CRPPA: variants seen among roughly 807,000 people sequenced by gnomAD.
The protein encoded by CRPPA is CDP-L-ribitol pyrophosphorylase A, also known as D-ribitol-5-phosphate cytidylyltransferase.
In CRPPA, 43 loss-of-function variants were observed where a neutral mutation model predicts 52.0. The observed-to-expected ratio is 0.83, with a 90% confidence interval of 0.65 to 1.07. CRPPA has a LOEUF of 1.07. Among genes scored for constraint, CRPPA ranks in the 50% least tolerant of loss-of-function variants. The pLI, the probability that CRPPA is intolerant of heterozygous loss-of-function variation, is 0.00. For synonymous variants in CRPPA, 250 were observed against 203.5 expected (o/e 1.23, Z -1.94); for missense variants, 629 against 551.7 (o/e 1.14, Z -1.40).
chr7:16,376,044 G>C (rs947422856), intron 3 of CRPPA, 48 bp downstream of exon 3: 2 of 1,527,964 alleles, frequency 1.3e-6, no homozygotes, highest in Middle Eastern at 3.5e-4. Flanking sequence ...GAGGTTGTTT[G>C]GGGAACCTGA....
chr7:16,399,917 A>G (rs1366248967), intron 2 of CRPPA, among the ~76,000 whole-genome samples: 1 of 152,030 alleles, frequency 6.6e-6, no homozygotes, highest in Admixed American at 6.5e-5. Flanking sequence ...CACGTGTGTG[A>G]CAGGCGTGTT....
intron 8 of CRPPA, 121 bp from the exon 9 acceptor site, chr7:16,216,318 T>A (rs1782308445): frequency 1.7e-6 from 1 of 604,278 alleles, no homozygotes; most frequent in Admixed American, 3.5e-5. Flanking sequence ...TTTATTAACT[T>A]TTGTTAATCT....
intron 9 of CRPPA, among the ~76,000 whole-genome samples, chr7:16,142,710 C>A (rs6956850): frequency 0.14 from 21,577 of 151,972 alleles, 1,754 homozygotes; most frequent in Non-Finnish European, 0.18. Context: ...AATAATTCTC[C>A]CCATGAGAAT....
At chr7:16,349,907 A>G (rs4559135) in intron 3 of CRPPA, among the ~76,000 whole-genome samples, 78,090 of 151,840 alleles carry the variant, frequency 0.51, 20,352 homozygotes, top group South Asian at 0.67. Context: ...TAGGAAATCC[A>G]AGAGACACTA....
At chr7:16,293,942 T>G (rs967829933) in intron 5 of CRPPA, among the ~76,000 whole-genome samples, 1 of 151,968 alleles carries the variant, frequency 6.6e-6, no homozygotes, top group African/African-American at 2.4e-5. Context: ...AACTAAATGA[T>G]AGCTTTCTTT....
At chr7:16,192,166 C>A (rs1374322526) in intron 9 of CRPPA, among the ~76,000 whole-genome samples, 1 of 151,994 alleles carries the variant, frequency 6.6e-6, no homozygotes, top group Non-Finnish European at 1.5e-5. Context: ...TGTAACTTTT[C>A]CACATGGGAT....
At chr7:16,220,926 C>T (rs1365658048) in intron 8 of CRPPA, among the ~76,000 whole-genome samples, 1 of 152,112 alleles carries the variant, frequency 6.6e-6, no homozygotes, top group Non-Finnish European at 1.5e-5. Context: ...ACTTTCTTCA[C>T]AGAATTGGAA....
At chr7:16,254,805 G>GAAAGAAAGAAAA (rs1783579221) in intron 8 of CRPPA, among the ~76,000 whole-genome samples, 1 of 133,736 alleles carries the variant, frequency 7.5e-6, no homozygotes, top group African/African-American at 2.7e-5. Context: ...AAGAAAGAAA[G>GAAAGAAAGAAAA]AAAGAAAGAA....
chr7:16,110,240 T>C (rs1421192992), intron 9 of CRPPA, among the ~76,000 whole-genome samples: 1 of 151,954 alleles, frequency 6.6e-6, no homozygotes. Flanking sequence ...ACCTATATAG[T>C]GAAAACTGTA....
intron 8 of CRPPA, among the ~76,000 whole-genome samples, chr7:16,218,090 C>A (rs1782381661): frequency 6.6e-6 from 1 of 152,160 alleles, no homozygotes; most frequent in African/African-American, 2.4e-5. Flanking sequence ...AACAGCAGAT[C>A]TCTCCGCAGA....
At chr7:16,256,374 A>T (rs1454606897) in intron 8 of CRPPA, among the ~76,000 whole-genome samples, 1 of 152,184 alleles carries the variant, frequency 6.6e-6, no homozygotes, top group Non-Finnish European at 1.5e-5. Context: ...AAGAATCTAG[A>T]ACCAGAAATA....
chr7:16,280,981 C>G (rs1371611799), intron 5 of CRPPA, among the ~76,000 whole-genome samples: 3 of 152,130 alleles, frequency 2.0e-5, no homozygotes. Flanking sequence ...GATCACGCCA[C>G]TACACTCCAG....
chr7:16,179,703 C>T (rs959385528), intron 9 of CRPPA, among the ~76,000 whole-genome samples: 1 of 152,044 alleles, frequency 6.6e-6, no homozygotes, highest in Non-Finnish European at 1.5e-5. Flanking sequence ...AATAATAAAT[C>T]TGTTGTTTGA....
intron 9 of CRPPA, among the ~76,000 whole-genome samples, chr7:16,125,734 A>G (rs1782566171): frequency 6.6e-6 from 1 of 152,156 alleles, no homozygotes; most frequent in Admixed American, 6.5e-5. Context: ...AATTTATCAA[A>G]AGGCCAGTAT....
chr7:16,215,538 T>C (rs1782281213), intron 9 of CRPPA, among the ~76,000 whole-genome samples: 1 of 152,210 alleles, frequency 6.6e-6, no homozygotes, highest in African/African-American at 2.4e-5. Flanking sequence ...CCATGCCCTC[T>C]TATAATCTGA....
chr7:16,203,727 G>T (rs1029477220), intron 9 of CRPPA, among the ~76,000 whole-genome samples: 4 of 152,126 alleles, frequency 2.6e-5, no homozygotes, highest in African/African-American at 9.7e-5. Context: ...ACCACTCTGT[G>T]TTGTGTTTCT....
chr7:16,254,591 G>A (rs1198965140), intron 8 of CRPPA, among the ~76,000 whole-genome samples: 2 of 151,850 alleles, frequency 1.3e-5, no homozygotes, highest in African/African-American at 4.8e-5. Context: ...CCTGTAGTGG[G>A]GTGAGGGGAG....
intron 2 of CRPPA, among the ~76,000 whole-genome samples, chr7:16,384,476 T>C (rs557946721): frequency 2.6e-5 from 4 of 152,302 alleles, no homozygotes; most frequent in Non-Finnish European, 5.9e-5. Context: ...AGAATTTAAC[T>C]GAGACTACAA....
intron 8 of CRPPA, among the ~76,000 whole-genome samples, chr7:16,252,074 T>C (rs1423037146): frequency 6.6e-6 from 1 of 151,568 alleles, no homozygotes; most frequent in Non-Finnish European, 1.5e-5. Flanking sequence ...ATCATCCTGA[T>C]ACCAAAACCT....
Sources: allele counts gnomAD v4.1 joint callset (sites outside exome capture counted in the v4.1 genomes callset), GRCh38; gene constraint gnomAD v4.1.1; transcripts MANE v1.5; gene names NCBI Gene and HGNC (gene_info 2026-07-23, HGNC 2026-07-21).